The following CNTRL variants were observed in gnomAD, a reference collection of about 807,000 sequenced individuals.
The protein encoded by CNTRL is 110 kDa centrosomal protein.
Under a neutral mutation model 303.7 loss-of-function variants are expected in CNTRL, and 233 were observed. The ratio of observed to expected loss-of-function variants is 0.77; its 90% CI spans 0.69 to 0.86. The LOEUF (loss-of-function observed/expected upper bound fraction) is 0.86, where lower values mean the gene tolerates loss of function less well. CNTRL is among the 40% of genes least tolerant of loss of function. The pLI is 0.00. For synonymous variants in CNTRL, 900 were observed against 922.2 expected, an observed-to-expected ratio of 0.98 and a Z score of 0.44; for missense variants, 2,524 against 2,650.6, an observed-to-expected ratio of 0.95 and a Z score of 1.05.
intron 34 of CNTRL, among the ~76,000 whole-genome samples, chr9:121,163,157 T>C (rs1342080674): frequency 2.8e-5 from 4 of 140,852 alleles, no homozygotes; most frequent in Admixed American, 2.2e-4. Flanking sequence ...CTAGGCAACA[T>C]AGAAAGACCC....
In CNTRL at chr9:121,155,012, A is replaced by G. The variant is rs1588287515; in HGVS notation, c.4365+99A>G. 18 of 1,062,026 alleles carry G rather than the reference A, an allele frequency of 1.7e-5. No individual in the cohort carries two copies. The East Asian group carries it at 4.3e-4, about 25-fold the overall frequency. 65.8% of individuals were successfully genotyped at this position (1,062,026 alleles called of 1,614,324 possible). A position where few individuals can be genotyped will look rare whatever the true frequency, so the allele number is the denominator to read the frequency against. ...AAGAGAATGTGTGTGATAAGAGGACAGTTGTCCAAGTCAGACAGCCAGGTT... is the reference window on the plus strand; with the variant it reads ...AAGAGAATGTGTGTGATAAGAGGACGGTTGTCCAAGTCAGACAGCCAGGTT... On this transcript the variant is annotated intron_variant, in intron 27 of 43. Coordinates refer to ENST00000373855, the MANE Select transcript of CNTRL (RefSeq NM_007018.6).
chr9:121,103,871 AAAC>A (rs1339399836), intron 7 of CNTRL, among the ~76,000 whole-genome samples: 1 of 152,216 alleles, frequency 6.6e-6, no homozygotes, highest in African/African-American at 2.4e-5. Flanking sequence ...AAAAGCCAGG[AAAC>A]AACAGGTGCT....
Position 121,175,178 on chromosome 9 carries a change from A to G in CNTRL, c.6908A>G (p.Gln2303Arg), listed in dbSNP as rs561656377. Residue 2303 changes from glutamine to arginine, a missense_variant, in exon 43 of 44, where the codon CAG becomes CGG. Transcript: ENST00000373855. The stretch of plus-strand genomic sequence containing the variant: ...TCAGCGTCATCACCCAGTCTGTCTC[A>G]GCTGGAGTCTTCCCTCACAGAGGAC... ...ADSASSPSLSQLESSLTEDSQ... is the reference protein window; with the variant it reads ...ADSASSPSLSRLESSLTEDSQ... The G allele has an allele frequency of 1.2e-5, 19 of 1,614,154 alleles. No homozygotes were observed. The highest frequency in any genetic ancestry group is 1.7e-5 in the Admixed American group (1 of 60,014).
At chr9:121,164,576 TATGTACTACAATAC>T (rs1418093805) in intron 34 of CNTRL, among the ~76,000 whole-genome samples, 3 of 152,228 alleles carry the variant, frequency 2.0e-5, no homozygotes, top group African/African-American at 7.2e-5. Context: ...TGACTCCCTT[TATGTACTACAATAC>T]ATGCTCATGC....
At chr9:121,147,926 TGAGAAG>T (rs1380916367) in intron 23 of CNTRL, among the ~76,000 whole-genome samples, 1 of 152,126 alleles carries the variant, frequency 6.6e-6, no homozygotes, top group Non-Finnish European at 1.5e-5. Flanking sequence ...ACCTACAGAC[TGAGAAG>T]GAGAAGGAGG....
At chr9:121,086,597 G>A (rs968204309) in intron 2 of CNTRL, among the ~76,000 whole-genome samples, 19 of 151,274 alleles carry the variant, frequency 1.3e-4, no homozygotes, top group Middle Eastern at 3.4e-3. Flanking sequence ...TGTAGGTCAT[G>A]GTAAAGATTT....
At chr9:121,167,421 G>A (rs1363748505) in intron 36 of CNTRL, 68 bp from the exon 37 acceptor site, 3 of 1,293,026 alleles carry the variant, frequency 2.3e-6, no homozygotes, top group Non-Finnish European at 3.2e-6. Flanking sequence ...GTAGATACTG[G>A]ATTGGCACTG....
At chr9:121,119,521 C>T (rs1433757822) in intron 12 of CNTRL, among the ~76,000 whole-genome samples, 1 of 151,998 alleles carries the variant, frequency 6.6e-6, no homozygotes, top group African/African-American at 2.4e-5. Context: ...GTCTTGATCT[C>T]CTGACCTTGT....
chr9:121,125,622 C>T (rs898355230), intron 13 of CNTRL, 94 bp from the exon 14 acceptor site: 4 of 1,091,034 alleles, frequency 3.7e-6, no homozygotes, highest in Non-Finnish European at 5.4e-6. Context: ...GAATTGAAAG[C>T]TTAGAATTTC....
intron 7 of CNTRL, among the ~76,000 whole-genome samples, chr9:121,102,606 T>C (rs1405970163): frequency 6.6e-6 from 1 of 152,206 alleles, no homozygotes; most frequent in Non-Finnish European, 1.5e-5. Flanking sequence ...GGAAGTCAAA[T>C]TGTCCCTGTT....
At chr9:121,123,842 ATTCTT>A (rs1369939548) in intron 12 of CNTRL, 84 bp from the exon 13 acceptor site, 14 of 957,562 alleles carry the variant, frequency 1.5e-5, no homozygotes, top group Non-Finnish European at 2.0e-5. Flanking sequence ...TTTATTTTCT[ATTCTT>A]CCTTTAAAAA....
At chr9:121,138,448 C>A in intron 15 of CNTRL, 97 bp from the exon 16 acceptor site, 1 of 1,223,752 alleles carries the variant, frequency 8.2e-7, no homozygotes, top group Non-Finnish European at 1.1e-6. Context: ...CTATAGCTAG[C>A]AAGGGATTGT....
rs540277288 is a variant in CNTRL, at chr9:121,151,286, A to C, written c.3963+803A>C. ...GTACAACATTTCTATATTTGTAGGT[A>C]CTGTAGCTGACTGTAAATTCTTACT... On this transcript the variant is annotated intron_variant, in intron 25 of 43. Coordinates refer to ENST00000373855, the MANE Select transcript of CNTRL (RefSeq NM_007018.6). Among the ~76,000 whole-genome samples, 11 of 151,990 alleles carry C rather than the reference A, an allele frequency of 7.2e-5. 1 individual carries two copies. The South Asian group carries it at 1.7e-3, about 23-fold the overall frequency.
intron 31 of CNTRL, among the ~76,000 whole-genome samples, chr9:121,159,525 G>A (rs1434518016): frequency 1.3e-5 from 2 of 152,012 alleles, no homozygotes; most frequent in African/African-American, 2.4e-5. Flanking sequence ...CTAGCTACTC[G>A]GGAGACTGAG....
At chr9:121,144,215 G>T in intron 20 of CNTRL, 133 bp downstream of exon 20, 4 of 765,546 alleles carry the variant, frequency 5.2e-6, no homozygotes. Flanking sequence ...TTTTTCTTAA[G>T]ACCTAAAGAT....
chr9:121,119,862 A>T (rs994932745), intron 12 of CNTRL, among the ~76,000 whole-genome samples: 1 of 151,974 alleles, frequency 6.6e-6, no homozygotes, highest in African/African-American at 2.4e-5. Context: ...CTTCTATTTA[A>T]TCCTTTTTGC....
chr9:121,133,559 C>A (rs776851158), intron 14 of CNTRL, among the ~76,000 whole-genome samples: 1 of 152,184 alleles, frequency 6.6e-6, no homozygotes, highest in Non-Finnish European at 1.5e-5. Flanking sequence ...TGTGAATGTA[C>A]GGCTTCCCTT....
At position 121,175,110 on chromosome 9, in the gene CNTRL, A is replaced by G. The variant is rs1298761067; in HGVS notation, c.6840A>G (p.Gln2280=). ...TEGTLHSLRR[Q]VDALGELVTS... is the part of the protein sequence containing the mutation. Reference sequence around the variant, plus strand: ...GCACTTTACACAGTTTGAGGAGACAAGTAGATGCTTTAGGGGAATTGGTCA... The same window carrying G: ...GCACTTTACACAGTTTGAGGAGACAGGTAGATGCTTTAGGGGAATTGGTCA... The change falls in exon 43 of 44, where the codon CAA becomes CAG. Residue 2280 remains glutamine, a synonymous_variant. Coordinates refer to ENST00000373855, the MANE Select transcript of CNTRL (RefSeq NM_007018.6). The G allele has an allele frequency of 1.9e-6, 3 of 1,614,124 alleles. No homozygotes were observed. Among genetic ancestry groups the G allele is most frequent in the Non-Finnish European group, 2.5e-6 (3 of 1,180,014 alleles).
chr9:121,094,127 CAA>C (rs928872924), intron 4 of CNTRL, among the ~76,000 whole-genome samples: 10 of 146,106 alleles, frequency 6.8e-5, no homozygotes, highest in African/African-American at 2.3e-4. Context: ...CCCACCCCCG[CAA>C]AAAAAAAGAA....
Sources: allele counts gnomAD v4.1 joint callset (sites outside exome capture counted in the v4.1 genomes callset), GRCh38; gene constraint gnomAD v4.1.1; transcripts MANE v1.5; gene names NCBI Gene and HGNC (gene_info 2026-07-23, HGNC 2026-07-21).